APC: variants seen among roughly 807,000 people sequenced by gnomAD.
The protein encoded by APC is adenomatous polyposis coli protein.
Under a neutral mutation model 247.0 loss-of-function variants are expected in APC, and 72 were observed. The ratio of observed to expected loss-of-function variants is 0.29; its 90% confidence interval spans 0.24 to 0.35. The LOEUF (loss-of-function observed/expected upper bound fraction) is 0.35. Among genes scored for constraint, APC ranks in the 10% least tolerant of loss-of-function variants. The pLI is 1.00. For synonymous variants in APC, 1,254 were observed against 1,162.5 expected, an observed-to-expected ratio of 1.08 and a Z score of -1.60; for missense variants, 3,400 against 3,360.7, an observed-to-expected ratio of 1.01 and a Z score of -0.29.
intron 6 of APC, among the ~76,000 whole-genome samples, chr5:112,781,881 G>A (rs1054419571): frequency 7.2e-5 from 11 of 152,030 alleles, no homozygotes; most frequent in Non-Finnish European, 1.2e-4. Context: ...AGCCACCTGA[G>A]TAGCTGGGAT....
chr5:112,802,709 T>C (rs954915213), intron 8 of APC, among the ~76,000 whole-genome samples: 2 of 152,050 alleles, frequency 1.3e-5, no homozygotes. Context: ...ATAATCATGA[T>C]GTAGGTGGGA....
chr5:112,717,269 A>G lies in APC; in HGVS notation c.165+9387A>G, dbSNP rs1204905233. The stretch of plus-strand genomic sequence containing the variant: ...CTCCCAGAATGCTGGGATTACAGGT[A>G]TGAGCCACCGTGCCCAGCCCCTACT... On this transcript the variant is annotated intron_variant, in intron 1 of 13. Transcript: ENST00000507379. Among the ~76,000 whole-genome samples, 4 of 152,224 alleles carry G rather than the reference A, an allele frequency of 2.6e-5. No homozygotes were observed. The East Asian group carries it at 5.8e-4, about 22-fold the overall frequency.
chr5:112,775,736 A>T lies in APC; in HGVS notation c.530A>T (p.Asn177Ile), dbSNP rs1561478485. 6.6e-7 allele frequency: 1 copy of T among 1,526,136 alleles called. No homozygotes were observed. Among genetic ancestry groups the T allele is most frequent in the Non-Finnish European group, 9.0e-7 (1 of 1,112,856 alleles). 94.5% of individuals were successfully genotyped at this position (1,526,136 alleles called of 1,614,324 possible). The change falls in exon 5 of 16, where the codon AAT becomes ATT. Residue 177 changes from asparagine to isoleucine, a missense_variant and splice_region_variant. By Grantham distance (149) the Asn-to-Ile change is moderately radical. This residue lies in a region of APC where 372 missense variants were observed against 367.6 expected (regional missense o/e 1.01). Coordinates refer to ENST00000257430, the MANE Select transcript of APC (RefSeq NM_000038.6). ...ATAGATAGTCTTCCTTTAACTGAAA[A>T]TGTAAGTAACTTGGCAGTACAACTT... Reference protein sequence around the residue: ...KRIDSLPLTENFSLQTDMTRR... With the variant: ...KRIDSLPLTEIFSLQTDMTRR...
chr5:112,738,437 G>T, intron 1 of APC: 1 of 985,928 alleles, frequency 1.0e-6, no homozygotes. Flanking sequence ...AGCTACTGGG[G>T]ATGAGAGAAA....
At chr5:112,737,469 G>A (rs1206057982), upstream of APC, among the ~76,000 whole-genome samples, 1 of 152,224 alleles carries the variant, frequency 6.6e-6, no homozygotes, top group East Asian at 1.9e-4. Flanking sequence ...ATTATTCATT[G>A]TAATTCATTT....
intron 8 of APC, among the ~76,000 whole-genome samples, chr5:112,802,781 A>G (rs1760970359): frequency 2.0e-5 from 3 of 152,116 alleles, no homozygotes; most frequent in African/African-American, 4.8e-5. Flanking sequence ...TATGCCAGGA[A>G]ATCATAGCGA....
intron 1 of APC, 106 bp from the exon 2 acceptor site, chr5:112,754,767 C>A: frequency 2.8e-6 from 3 of 1,060,724 alleles, no homozygotes; most frequent in Non-Finnish European, 2.8e-6. Context: ...TAACACAATT[C>A]TTCTTAAACG....
chr5:112,835,332 T>C (rs1764768381), intron 15 of APC, among the ~76,000 whole-genome samples, 167 bp downstream of exon 15: 1 of 152,200 alleles, frequency 6.6e-6, no homozygotes, highest in Admixed American at 6.5e-5. Flanking sequence ...GTGTACTTAA[T>C]GTAATAACAG....
At chr5:112,833,016 G>C (rs1764457055) in intron 14 of APC, among the ~76,000 whole-genome samples, 1 of 120,928 alleles carries the variant, frequency 8.3e-6, no homozygotes, top group African/African-American at 3.0e-5. Flanking sequence ...ATCATGCCAA[G>C]TTTTGGGTTT....
At chr5:112,740,361 T>A (rs1752852196) in intron 1 of APC, among the ~76,000 whole-genome samples, 1 of 152,134 alleles carries the variant, frequency 6.6e-6, no homozygotes, top group South Asian at 2.1e-4. Context: ...TTGTAGTATA[T>A]CTAATCTATG....
At chr5:112,787,743 G>C (rs1460782286) in intron 6 of APC, among the ~76,000 whole-genome samples, 2 of 152,046 alleles carry the variant, frequency 1.3e-5, no homozygotes, top group East Asian at 1.9e-4. Context: ...TCTGTTATCT[G>C]TATTAGCCTC....
upstream of APC, among the ~76,000 whole-genome samples, chr5:112,736,773 G>C (rs6867376): frequency 0.05 from 7,682 of 152,130 alleles, 346 homozygotes; most frequent in East Asian, 0.14. Context: ...ACTTAGCTGG[G>C]CATGATGGCA....
chr5:112,841,009 C>T lies in APC; in HGVS notation c.5415C>T (p.Phe1805=), dbSNP rs2149939535. Reference sequence around the variant, plus strand: ...ATAATTTAAATGCTGAGAGAGTTTTCTCAGACAACAAAGATTCAAAGAAAC... The same window carrying T: ...ATAATTTAAATGCTGAGAGAGTTTTTTCAGACAACAAAGATTCAAAGAAAC... ...SKNNLNAERV[F]SDNKDSKKQN... is the part of the protein sequence containing the mutation. Residue 1805 remains phenylalanine, a synonymous_variant, in exon 16 of 16, where the codon TTC becomes TTT. Transcript: ENST00000257430. This position sits in a 1 kb window ranked among gnomAD's most constrained non-coding sequence, Gnocchi z 4.6. 2 of 1,611,452 alleles carry T rather than the reference C, an allele frequency of 1.2e-6. No homozygotes were observed. Among genetic ancestry groups the T allele is most frequent in the Non-Finnish European group, 1.7e-6 (2 of 1,177,814 alleles).
intron 6 of APC, among the ~76,000 whole-genome samples, chr5:112,785,991 A>C (rs1428549447): frequency 6.6e-6 from 1 of 152,230 alleles, no homozygotes; most frequent in Non-Finnish European, 1.5e-5. Context: ...CACAAAAGAT[A>C]AATTAGAAAA....
chr5:112,745,846 G>A (rs949850092), intron 1 of APC, among the ~76,000 whole-genome samples: 2 of 151,992 alleles, frequency 1.3e-5, no homozygotes, highest in African/African-American at 2.4e-5. Flanking sequence ...GAGCCACCAC[G>A]CCAGCCTTTC....
intron 11 of APC, among the ~76,000 whole-genome samples, chr5:112,824,530 A>G (rs1763452191): frequency 6.6e-6 from 1 of 152,166 alleles, no homozygotes; most frequent in Non-Finnish European, 1.5e-5. Flanking sequence ...TATTTTCAGT[A>G]TCAAATCCTA....
Position 112,840,374 on chromosome 5 carries a change from C to T in APC, c.4780C>T (p.Pro1594Ser), listed in dbSNP as rs1008704701. 1 of 1,614,158 alleles carries T rather than the reference C, an allele frequency of 6.2e-7. No individual in the cohort carries two copies. Among genetic ancestry groups the T allele is most frequent in the Non-Finnish European group, 8.5e-7 (1 of 1,180,026 alleles). ...AAAGTCATCACGTAAAGCAAAAAAG[C>T]CAGCCCAGACTGCTTCAAAATTACC... ...PTKSSRKAKK[P>S]AQTASKLPPP... The change falls in exon 16 of 16, where the codon CCA becomes TCA. Residue 1594 changes from proline to serine, a missense_variant. By Grantham distance (74) the Pro-to-Ser change is moderately conservative (BLOSUM62 -1). Transcript: ENST00000257430. The surrounding 1 kb of genome is among the most constrained non-coding windows in gnomAD (Gnocchi z 4.1).
In APC at chr5:112,775,499, AT is replaced by A. The variant is rs1311884328; in HGVS notation, c.423-124del. 13 of 574,240 alleles carry A rather than the reference AT, an allele frequency of 2.3e-5. No individual in the cohort carries two copies. The East Asian group carries it at 3.8e-4, about 17-fold the overall frequency. 35.6% of individuals were successfully genotyped at this position (574,240 alleles called of 1,614,324 possible). A position where few individuals can be genotyped will look rare whatever the true frequency, so the allele number is the denominator to read the frequency against. On this transcript the variant is annotated intron_variant, in intron 4 of 15. Transcript: ENST00000257430. ...CCTTTAAAAATTGAAATCAATGTAA[AT>A]TTTTTGAGTAATTCATTATTAGCAC...
intron 9 of APC, 122 bp from the exon 10 acceptor site, chr5:112,818,844 T>TTG: frequency 6.4e-5 from 54 of 842,508 alleles, no homozygotes; most frequent in South Asian, 1.7e-4. Context: ...GTTTTTTTTT[T>TTG]GGCGGGGGGG....
Sources: allele counts gnomAD v4.1 joint callset (sites outside exome capture counted in the v4.1 genomes callset), GRCh38; gene constraint gnomAD v4.1.1; regional missense constraint gnomAD v4.1.1; non-coding constraint Gnocchi (gnomAD v3.1); transcripts MANE v1.5; gene names NCBI Gene and HGNC (gene_info 2026-07-23, HGNC 2026-07-21).